The following VPS37A variants were observed in gnomAD, a reference collection of about 807,000 sequenced individuals.
VPS37A encodes VPS37A subunit of ESCRT-I, also known as vacuolar protein sorting-associated protein 37A.
Under a neutral mutation model 49.8 loss-of-function variants are expected in VPS37A, and 30 were observed. The ratio of observed to expected loss-of-function variants is 0.60; its 90% CI spans 0.45 to 0.82. The LOEUF (loss-of-function observed/expected upper bound fraction) is 0.82, where lower values mean the gene tolerates loss of function less well. Ranked by LOEUF, VPS37A falls within the 40% of genes least tolerant of loss-of-function variation. The pLI is 0.00. For synonymous variants in VPS37A, 195 were observed against 160.6 expected, an observed-to-expected ratio of 1.21 and a Z score of -1.62; for missense variants, 593 against 464.4, an observed-to-expected ratio of 1.28 and a Z score of -2.55.
chr8:17,305,261 A>G (rs1373399162), downstream of VPS37A, among the ~76,000 whole-genome samples: 2 of 152,230 alleles, frequency 1.3e-5, no homozygotes. Context: ...TCTCTCATGT[A>G]TACTGCCTAA....
the VPS37A span, among the ~76,000 whole-genome samples, chr8:17,328,974 A>G: frequency 3.9e-5 from 6 of 152,224 alleles, no homozygotes; most frequent in Non-Finnish European, 8.8e-5. Context: ...TTGGTCCTAG[A>G]TTTCAGTTTC....
chr8:17,268,644 A>T (rs970206669), intron 3 of VPS37A, among the ~76,000 whole-genome samples: 1 of 152,124 alleles, frequency 6.6e-6, no homozygotes, highest in Non-Finnish European at 1.5e-5. Context: ...TCCATTTTTT[A>T]TTCAATGGAC....
At chr8:17,292,620 G>A (rs1052135745) in intron 11 of VPS37A, among the ~76,000 whole-genome samples, 2 of 152,122 alleles carry the variant, frequency 1.3e-5, no homozygotes, top group African/African-American at 2.4e-5. Flanking sequence ...TCCATGTTTA[G>A]TGCTTCCTTC....
At chr8:17,325,992 C>G in the VPS37A span, among the ~76,000 whole-genome samples, 1 of 152,144 alleles carries the variant, frequency 6.6e-6, no homozygotes, top group African/African-American at 2.4e-5. Context: ...GCAAGAAATC[C>G]TTTTAATGAT....
the VPS37A span, chr8:17,313,329 A>G: frequency 6.2e-7 from 1 of 1,613,496 alleles, no homozygotes; most frequent in Non-Finnish European, 8.5e-7. Context: ...TATGGCTTTA[A>G]TGTGCCTTAA....
chr8:17,304,746 C>CATGTGTGTGTGTGTGTGTGT (rs1554504621), downstream of VPS37A, among the ~76,000 whole-genome samples: 8 of 146,992 alleles, frequency 5.4e-5, no homozygotes, highest in Non-Finnish European at 3.0e-5. Flanking sequence ...GTGTTCGATT[C>CATGTGTGTGTGTGTGTGTGT]GTGTGTGTGT....
the VPS37A span, among the ~76,000 whole-genome samples, chr8:17,315,361 G>A: frequency 6.6e-6 from 1 of 152,060 alleles, no homozygotes; most frequent in Non-Finnish European, 1.5e-5. Flanking sequence ...TAAATAGGTG[G>A]GGCACAAGAA....
chr8:17,259,351 A>G (rs914441681), intron 1 of VPS37A, among the ~76,000 whole-genome samples: 1 of 152,094 alleles, frequency 6.6e-6, no homozygotes, highest in African/African-American at 2.4e-5. Flanking sequence ...GTTCAGTAGC[A>G]TGTTTAATTT....
chr8:17,253,412 C>G (rs1341866966), intron 1 of VPS37A, among the ~76,000 whole-genome samples: 2 of 152,200 alleles, frequency 1.3e-5, no homozygotes, highest in Non-Finnish European at 2.9e-5. Context: ...AGTTTCCTAA[C>G]TCTTGTCAAA....
chr8:17,252,573 C>G (rs924691797), intron 1 of VPS37A, among the ~76,000 whole-genome samples: 3 of 152,198 alleles, frequency 2.0e-5, no homozygotes, highest in Admixed American at 1.3e-4. Flanking sequence ...CCCCTGTCGT[C>G]TCTAACTCTT....
rs149553182 is a variant in VPS37A, at chr8:17,295,724, T to C, written c.*738T>C. 1 of 152,374 alleles carries C rather than the reference T, an allele frequency of 6.6e-6. No homozygotes were observed. The highest frequency in any genetic ancestry group is 1.9e-4 in the East Asian group (1 of 5,188). The allele number at this position is 152,374 out of a possible 1,614,324, so 9.4% of individuals were successfully genotyped here. On this transcript the variant is annotated 3_prime_UTR_variant, in exon 12 of 12. Transcript: ENST00000324849. Reference sequence around the variant, plus strand: ...AACATATATATATCTGGTAGGTTTGTGGTTGGATAGGTTTTCTAAATTCCT... The same window carrying C: ...AACATATATATATCTGGTAGGTTTGCGGTTGGATAGGTTTTCTAAATTCCT...
chr8:17,265,380 C>T (rs1813349356), intron 1 of VPS37A, among the ~76,000 whole-genome samples: 1 of 152,170 alleles, frequency 6.6e-6, no homozygotes, highest in African/African-American at 2.4e-5. Context: ...AACATTGCTA[C>T]CCAGAATAAA....
At chr8:17,303,856 C>G (rs553442277), downstream of VPS37A, among the ~76,000 whole-genome samples, 1 of 152,110 alleles carries the variant, frequency 6.6e-6, no homozygotes, top group Non-Finnish European at 1.5e-5. Context: ...GTGATCCACC[C>G]GCCTCGGCTA....
intron 6 of VPS37A, chr8:17,279,809 T>C (rs779639394): frequency 3.2e-6 from 2 of 620,200 alleles, no homozygotes; most frequent in South Asian, 3.0e-5. Flanking sequence ...CAAAATTTAC[T>C]TTTACAGATT....
intron 1 of VPS37A, among the ~76,000 whole-genome samples, chr8:17,253,829 T>C (rs1812193772): frequency 6.6e-6 from 1 of 152,212 alleles, no homozygotes; most frequent in Admixed American, 6.5e-5. Context: ...TACTTTGGAA[T>C]TTCTCAAAAT....
At chr8:17,262,027 C>T (rs182658840) in intron 1 of VPS37A, among the ~76,000 whole-genome samples, 1 of 152,206 alleles carries the variant, frequency 6.6e-6, no homozygotes, top group Admixed American at 6.5e-5. Context: ...GTGGGAAAGC[C>T]GATTGTTCAC....
At chr8:17,277,861 T>TACACACACACACACACACACAC (rs67718316) in intron 6 of VPS37A, among the ~76,000 whole-genome samples, 1 of 140,886 alleles carries the variant, frequency 7.1e-6, no homozygotes, top group East Asian at 2.1e-4. Flanking sequence ...TTCTCTTTTA[T>TACACACACACACACACACACAC]ACACACACAC....
chr8:17,256,901 C>A (rs1392931765), intron 1 of VPS37A, among the ~76,000 whole-genome samples: 1 of 152,062 alleles, frequency 6.6e-6, no homozygotes, highest in African/African-American at 2.4e-5. Context: ...ATCGGCCTGC[C>A]TTGGCCTCAC....
At chr8:17,294,326 T>C (rs1171097935) in intron 11 of VPS37A, among the ~76,000 whole-genome samples, 3 of 152,144 alleles carry the variant, frequency 2.0e-5, no homozygotes, top group Non-Finnish European at 4.4e-5. Context: ...GCATCCCAGG[T>C]CGACCTCAGA....
Sources: gnomAD v4.1 joint callset for allele counts (sites outside exome capture counted in the v4.1 genomes callset) on GRCh38, gnomAD v4.1.1 for gene constraint, MANE v1.5 for transcripts, NCBI Gene and HGNC (gene_info 2026-07-23, HGNC 2026-07-21) for gene names.